AZGP1: variants seen among roughly 807,000 people sequenced by gnomAD.
AZGP1 encodes alpha-2-glycoprotein 1, zinc-binding, also known as zinc-alpha-2-glycoprotein.
A neutral mutation model predicts 31.5 loss-of-function variants in AZGP1; 28 were observed. That is an observed-to-expected ratio of 0.89 (90% CI 0.66 to 1.22). The LOEUF (loss-of-function observed/expected upper bound fraction) is 1.22, where lower values mean the gene tolerates loss of function less well. AZGP1 is among the 50% of genes most tolerant of loss of function. The pLI, the probability that AZGP1 is intolerant of heterozygous loss-of-function variation, is 0.00. For missense variants in AZGP1, 361 were observed against 371.8 expected, an observed-to-expected ratio of 0.97 and a Z score of 0.24; for synonymous variants, 135 against 145.4, an observed-to-expected ratio of 0.93 and a Z score of 0.51.
chr7:99,971,695 G>A (rs777640246), intron 2 of AZGP1, 51 bp downstream of exon 2: 2 of 1,575,916 alleles, frequency 1.3e-6, no homozygotes, highest in East Asian at 2.2e-5. Flanking sequence ...ACACTGGGGG[G>A]GCTGCCTCTT....
chr7:99,966,817 G>T lies in AZGP1; in HGVS notation c.*186C>A. ...GGCTCAAGGTGAGATGATTTTTTGGGTCCAAGTCTACTCAAGACAGGCATC... is the reference window on the plus strand; with the variant it reads ...GGCTCAAGGTGAGATGATTTTTTGGTTCCAAGTCTACTCAAGACAGGCATC... On this transcript the variant is annotated 3_prime_UTR_variant, in exon 4 of 4. Coordinates refer to ENST00000292401, the MANE Select transcript of AZGP1 (RefSeq NM_001185.4). 2 of 862,268 alleles carry T rather than the reference G, an allele frequency of 2.3e-6. No individual in the cohort carries two copies. Among genetic ancestry groups the T allele is most frequent in the Non-Finnish European group, 3.5e-6 (2 of 569,532 alleles). 53.4% of individuals were successfully genotyped at this position (862,268 alleles called of 1,614,324 possible). A position where few individuals can be genotyped will look rare whatever the true frequency, so the allele number is the denominator to read the frequency against.
Position 99,967,038 on chromosome 7 carries a change from C to T in AZGP1, c.862G>A (p.Ala288Thr). 4.3e-6 allele frequency: 7 copies of T among 1,614,084 alleles called. No homozygotes were observed. The highest frequency in any genetic ancestry group is 5.9e-6 in the Non-Finnish European group (7 of 1,179,956). The change falls in exon 4 of 4, where the codon GCC becomes ACC. Residue 288 changes from alanine to threonine, a missense_variant. By Grantham distance (58) the Ala-to-Thr change is moderately conservative (BLOSUM62 0). Transcript: ENST00000292401. The part of the protein sequence containing the change: ...YSCHVQHSSL[A>T]QPLVVPWEAS ...TCCCAGGGCACCACGAGGGGCTGGG[C>T]CAGGCTGCTGTGCTGCACGTGGCAG...
chr7:99,975,853 C>G, intron 1 of AZGP1, 92 bp downstream of exon 1: 1 of 1,410,658 alleles, frequency 7.1e-7, no homozygotes, highest in Non-Finnish European at 1.0e-6. Context: ...CAGGGTATCC[C>G]AGCTGCATCC....
At chr7:99,967,984 G>T in intron 3 of AZGP1, 171 bp downstream of exon 3, 3 of 977,292 alleles carry the variant, frequency 3.1e-6, no homozygotes, top group South Asian at 1.5e-5. Flanking sequence ...GTTCTTTTTG[G>T]ACCACAAATT....
intron 3 of AZGP1, chr7:99,967,574 C>G: frequency 2.0e-6 from 1 of 507,954 alleles, no homozygotes; most frequent in Non-Finnish European, 3.5e-6. Context: ...GTTCTGTCCC[C>G]CAGTCTCAGT....
chr7:99,971,516 C>A (rs1789576690), intron 2 of AZGP1: 2 of 549,152 alleles, frequency 3.6e-6, no homozygotes, highest in South Asian at 4.6e-5. Flanking sequence ...TCTGCCATCA[C>A]TTCCTGTGTG....
At chr7:99,967,973 T>G (rs989839376) in intron 3 of AZGP1, 182 bp downstream of exon 3, 7 of 891,494 alleles carry the variant, frequency 7.9e-6, no homozygotes, top group Non-Finnish European at 1.2e-5. Context: ...ATTTTGATGA[T>G]GTTCTTTTTG....
At position 99,967,258 on chromosome 7, in the gene AZGP1, G is replaced by T. The variant is rs780202757; in HGVS notation, c.642C>A (p.His214Gln). 1.6e-5 allele frequency: 25 copies of T among 1,612,898 alleles called. No homozygotes were observed. Among genetic ancestry groups the T allele is most frequent in the African/African-American group, 2.7e-5 (2 of 74,872 alleles). ...QDPPSVVVTS[H>Q]QAPGEKKKLK... ...GTTTCTTCTTTTCTCCTGGGGCCTG[G>T]TGGCTGGTGACCACCACAGAGGGAG... The change falls in exon 4 of 4, where the codon CAC becomes CAA. Residue 214 changes from histidine to glutamine, a missense_variant. Physicochemically the swap from His to Gln is conservative, Grantham distance 24. Transcript: ENST00000292401.
In AZGP1 at chr7:99,971,917, G is replaced by A; in HGVS notation, c.166C>T (p.Leu56Phe). The change falls in exon 2 of 4, where the codon CTC becomes TTC. Residue 56 changes from leucine to phenylalanine, a missense_variant. By Grantham distance (22) the Leu-to-Phe change is conservative. Transcript: ENST00000292401. ...AFQALGSLNDLQFFRYNSKDR... is the reference protein window; with the variant it reads ...AFQALGSLNDFQFFRYNSKDR... ...TTACTGTTGTATCTAAAGAACTGGA[G>A]GTCATTGAGTGAGCCAAGGGCCTGA... 1.2e-6 allele frequency: 2 copies of A among 1,614,134 alleles called. No homozygotes were observed. Among genetic ancestry groups the A allele is most frequent in the Non-Finnish European group, 1.7e-6 (2 of 1,179,996 alleles).
chr7:99,967,311 T>C, intron 3 of AZGP1, 25 bp from the exon 4 acceptor site: 2 of 1,606,268 alleles, frequency 1.2e-6, no homozygotes, highest in Middle Eastern at 2.2e-4. Flanking sequence ...AGTGTGACAC[T>C]GCAGGCTTGA....
At chr7:99,969,542 T>G (rs1232731899) in intron 2 of AZGP1, among the ~76,000 whole-genome samples, 1 of 151,730 alleles carries the variant, frequency 6.6e-6, no homozygotes, top group African/African-American at 2.4e-5. Context: ...ATTGCATCAC[T>G]GCACTCCAGC....
Position 99,975,957 on chromosome 7 carries a change from C to T in AZGP1, c.64G>A (p.Glu22Lys), listed in dbSNP as rs1197405844. 5 of 1,614,002 alleles carry T rather than the reference C, an allele frequency of 3.1e-6. No individual in the cohort carries two copies. The highest frequency in any genetic ancestry group is 4.5e-5 in the East Asian group (2 of 44,886). The change falls in exon 1 of 4, where the codon GAG (glutamate) becomes AAG (lysine). Residue 22 changes from glutamate to lysine, a missense_variant. Coordinates refer to ENST00000292401, the MANE Select transcript of AZGP1 (RefSeq NM_001185.4). ...TTTCCCCACTCACCATCTTGGTTCT[C>T]CTGGGGGACAGCAGGACCCAGAAGC... ...LLLLGPAVPQ[E>K]NQDGRYSLTY...
intron 1 of AZGP1, 72 bp downstream of exon 1, chr7:99,975,873 C>T (rs1056598747): frequency 1.3e-6 from 2 of 1,557,160 alleles, no homozygotes; most frequent in East Asian, 2.2e-5. Flanking sequence ...CAGCCTGTCT[C>T]CCAGCCACAT....
rs201853922 is a variant in AZGP1, at chr7:99,967,007, C to A, written c.893G>T (p.Ser298Ile). ...AQPLVVPWEA[S>I] ...ATTGCCTCCAACCCTTGCTTCCTAGCTGGCCTCCCAGGGCACCACGAGGGG... is the reference window on the plus strand; with the variant it reads ...ATTGCCTCCAACCCTTGCTTCCTAGATGGCCTCCCAGGGCACCACGAGGGG... Residue 298 changes from serine (S) to isoleucine (I), a missense_variant, in exon 4 of 4, where the codon AGC (serine) becomes ATC (isoleucine). Physicochemically the swap from Ser to Ile is moderately radical, Grantham distance 142. Coordinates refer to ENST00000292401, the MANE Select transcript of AZGP1 (RefSeq NM_001185.4). 2 of 1,612,580 alleles carry A rather than the reference C, an allele frequency of 1.2e-6. No homozygotes were observed. The highest frequency in any genetic ancestry group is 2.7e-5 in the African/African-American group (2 of 75,014).
At chr7:99,975,382 C>A (rs1169252658) in intron 1 of AZGP1, among the ~76,000 whole-genome samples, 2 of 152,186 alleles carry the variant, frequency 1.3e-5, no homozygotes, top group Non-Finnish European at 2.9e-5. Context: ...CACAAACAGC[C>A]TCCTTCCCTT....
chr7:99,969,323 C>T (rs567804996), intron 2 of AZGP1, among the ~76,000 whole-genome samples: 3 of 151,760 alleles, frequency 2.0e-5, no homozygotes, highest in East Asian at 1.9e-4. Context: ...GCAGGAGAAT[C>T]GCTTGAACCT....
At chr7:99,974,378 GATA>G (rs1188398474) in intron 1 of AZGP1, among the ~76,000 whole-genome samples, 1 of 151,846 alleles carries the variant, frequency 6.6e-6, no homozygotes, top group Non-Finnish European at 1.5e-5. Context: ...ACGAGGTCAG[GATA>G]TCAAGACTAG....
intron 1 of AZGP1, among the ~76,000 whole-genome samples, chr7:99,972,553 CT>C (rs1346045854): frequency 2.6e-5 from 4 of 152,336 alleles, no homozygotes; most frequent in South Asian, 4.1e-4. Flanking sequence ...TGGCTCATGC[CT>C]GTAATCCCAG....
intron 1 of AZGP1, among the ~76,000 whole-genome samples, chr7:99,973,511 C>A (rs1354073838): frequency 6.6e-6 from 1 of 151,928 alleles, no homozygotes; most frequent in Non-Finnish European, 1.5e-5. Flanking sequence ...TTACCAAAGG[C>A]TGGGAAGGGT....
Sources: allele counts gnomAD v4.1 joint callset (sites outside exome capture counted in the v4.1 genomes callset), GRCh38; gene constraint gnomAD v4.1.1; transcripts MANE v1.5; gene names NCBI Gene and HGNC (gene_info 2026-07-23, HGNC 2026-07-21).